Variants in BRI3 observed in about 807,000 individuals in gnomAD.
The protein encoded by BRI3 is brain protein I3, also known as membrane protein BRI3.
BRI3 carries 6 observed loss-of-function variants against 12.8 expected under a neutral mutation model. The ratio of observed to expected loss-of-function variants is 0.47; its 90% CI spans 0.26 to 0.93. The LOEUF is 0.93. Ranked by LOEUF, BRI3 falls within the 40% of genes least tolerant of loss-of-function variation. The pLI, the probability that BRI3 is intolerant of heterozygous loss-of-function variation, is 0.15. For synonymous variants in BRI3, 91 were observed against 76.1 expected (o/e 1.20, Z -1.02); for missense variants, 134 against 171.1 (o/e 0.78, Z 1.21).
Position 98,291,418 on chromosome 7 carries a change from C to T in BRI3, c.*175C>T, listed in dbSNP as rs571655703. 4.3e-4 allele frequency: 622 copies of T among 1,436,078 alleles called. 1 individual carries two copies. Among genetic ancestry groups the T allele is most frequent in the Non-Finnish European group, 5.1e-4 (556 of 1,095,652 alleles). 89.0% of individuals were successfully genotyped at this position (1,436,078 alleles called of 1,614,324 possible). A position where few individuals can be genotyped will look rare whatever the true frequency, so the allele number is the denominator to read the frequency against. On this transcript the variant is annotated 3_prime_UTR_variant, in exon 3 of 3. Transcript: ENST00000297290. ...CGTGGAGAGGCAGTGCTGCTGCTCC[C>T]GCCCGAGGCTCATGACAACTCAATA...
chr7:98,303,012 T>C (rs944665025), upstream of BRI3, among the ~76,000 whole-genome samples: 4 of 152,190 alleles, frequency 2.6e-5, no homozygotes, highest in Non-Finnish European at 2.9e-5. Context: ...CTAAAACTCC[T>C]GGGCTCAAGT....
upstream of BRI3, chr7:98,306,509 A>G (rs1460117376): frequency 1.9e-6 from 3 of 1,614,128 alleles, no homozygotes; most frequent in East Asian, 6.7e-5. Flanking sequence ...GACGGGAACC[A>G]ACCCCTCCTA....
At chr7:98,300,426 A>G (rs7781916) in intron 1 of BRI3, among the ~76,000 whole-genome samples, 61,169 of 152,074 alleles carry the variant, frequency 0.4, 13,425 homozygotes, top group Middle Eastern at 0.54. Context: ...TGACAGTTGC[A>G]GTCCCTCCCC....
At chr7:98,294,015 G>A (rs943067220), downstream of BRI3, 1 of 1,572,902 alleles carries the variant, frequency 6.4e-7, no homozygotes, top group African/African-American at 1.4e-5. Flanking sequence ...CCCTTCCGGG[G>A]GACACTACAG....
the BRI3 span, among the ~76,000 whole-genome samples, chr7:98,319,387 C>G: frequency 6.6e-6 from 1 of 152,178 alleles, no homozygotes; most frequent in African/African-American, 2.4e-5. Context: ...ACGGTGCTCT[C>G]CCGCACACCA....
At chr7:98,298,591 T>C (rs979902499) in intron 1 of BRI3, among the ~76,000 whole-genome samples, 15 of 151,884 alleles carry the variant, frequency 9.9e-5, no homozygotes, top group Admixed American at 4.6e-4. Context: ...CCAGCCTGGG[T>C]GACAGAGCAA....
upstream of BRI3, chr7:98,306,496 G>A (rs761212599): frequency 3.7e-6 from 6 of 1,614,124 alleles, no homozygotes; most frequent in Non-Finnish European, 5.1e-6. Context: ...CTTCGTGTAC[G>A]ACGACGGGAA....
At chr7:98,284,838 C>T (rs1369489509) in intron 2 of BRI3, among the ~76,000 whole-genome samples, 1 of 152,200 alleles carries the variant, frequency 6.6e-6, no homozygotes. Context: ...TCCCACCCTC[C>T]TGCTTCACCC....
At chr7:98,293,587 G>T (rs147238224), downstream of BRI3, 79 of 1,613,756 alleles carry the variant, frequency 4.9e-5, no homozygotes, top group Admixed American at 8.8e-4. Flanking sequence ...TGGCAAAGGG[G>T]TTTTCTCCGC....
rs537139467 is a variant in BRI3 at position 98,287,956 on chromosome 7, C to T, written c.246-3155C>T. On this transcript the variant is annotated intron_variant, in intron 2 of 2. Transcript: ENST00000297290. ...CAGTCAGCTCTGCCTGCAGCCCTGC[C>T]TCTCAGCAGCTTTGGTCCTGAGGTG... is the stretch of plus-strand genomic sequence containing the variant. Among the ~76,000 whole-genome samples the T allele has an allele frequency of 4.3e-4, 66 of 152,318 alleles. No homozygotes were observed. The Middle Eastern group carries it at 0.01, about 24-fold the overall frequency.
At chr7:98,309,515 A>C (rs1800794319) in exon 2 of BRI3, 1 of 152,324 alleles carries the variant, frequency 6.6e-6, no homozygotes, top group East Asian at 1.9e-4. Context: ...AATCACTGGG[A>C]TGCACAGAGT....
chr7:98,285,888 C>T (rs771272224), intron 2 of BRI3, among the ~76,000 whole-genome samples: 1 of 152,164 alleles, frequency 6.6e-6, no homozygotes, highest in Non-Finnish European at 1.5e-5. Context: ...GGCTTCAGGC[C>T]CTCAGCCCTC....
At chr7:98,285,416 CT>C (rs1359723095) in intron 2 of BRI3, among the ~76,000 whole-genome samples, 1 of 152,208 alleles carries the variant, frequency 6.6e-6, no homozygotes, top group East Asian at 1.9e-4. Flanking sequence ...CAGAGCTCCC[CT>C]GGTTGAGGAA....
the BRI3 span, chr7:98,317,496 G>A: frequency 1.8e-6 from 2 of 1,082,640 alleles, no homozygotes; most frequent in Non-Finnish European, 1.3e-6. Context: ...CACTGGCTGG[G>A]GCCCCCACAC....
chr7:98,283,664 C>T (rs1799611001), intron 2 of BRI3, among the ~76,000 whole-genome samples: 1 of 152,164 alleles, frequency 6.6e-6, no homozygotes, highest in African/African-American at 2.4e-5. Context: ...CATGGAGGAG[C>T]AGAGGGTCTG....
intron 1 of BRI3, among the ~76,000 whole-genome samples, chr7:98,298,071 T>G (rs533595749): frequency 6.6e-6 from 1 of 151,866 alleles, no homozygotes; most frequent in African/African-American, 2.4e-5. Flanking sequence ...TCATTGTTAA[T>G]AAAAACTTAA....
intron 2 of BRI3, among the ~76,000 whole-genome samples, chr7:98,288,712 T>TC (rs1433507857): frequency 6.6e-6 from 1 of 151,888 alleles, no homozygotes; most frequent in Non-Finnish European, 1.5e-5. Context: ...GAGAAAAGTT[T>TC]CCCAAAATCG....
intron 2 of BRI3, among the ~76,000 whole-genome samples, chr7:98,289,637 C>T (rs773396247): frequency 1.3e-5 from 2 of 152,140 alleles, no homozygotes; most frequent in African/African-American, 2.4e-5. Flanking sequence ...CCACTCACTC[C>T]AGCACTGGCT....
the BRI3 span, chr7:98,315,697 G>T: frequency 1.6e-6 from 1 of 644,686 alleles, no homozygotes. Flanking sequence ...TTTATCTTCT[G>T]CCATCTTTAC....
Sources: gnomAD v4.1 joint callset for allele counts (sites outside exome capture counted in the v4.1 genomes callset) on GRCh38, gnomAD v4.1.1 for gene constraint, MANE v1.5 for transcripts, NCBI Gene and HGNC (gene_info 2026-07-23, HGNC 2026-07-21) for gene names.